Variants in FMN1 observed in about 807,000 individuals in gnomAD.
The protein encoded by FMN1 is formin-1.
Under a neutral mutation model 132.4 loss-of-function variants are expected in FMN1, and 110 were observed. The observed-to-expected ratio is 0.83, with a 90% CI of 0.71 to 0.97. The LOEUF (loss-of-function observed/expected upper bound fraction) is 0.97, where lower values mean the gene tolerates loss of function less well. FMN1 is among the 50% of genes least tolerant of loss of function. FMN1 has a pLI of 0.00. For synonymous variants in FMN1, 722 were observed against 651.7 expected, an observed-to-expected ratio of 1.11 and a Z score of -1.64; for missense variants, 1,792 against 1,705.3, an observed-to-expected ratio of 1.05 and a Z score of -0.90.
chr15:33,076,915 T>G (rs1273194474), intron 5 of FMN1, among the ~76,000 whole-genome samples: 1 of 152,194 alleles, frequency 6.6e-6, no homozygotes, highest in Non-Finnish European at 1.5e-5. Flanking sequence ...TCAGCAATGA[T>G]TCTTTGATCC....
At chr15:33,067,946 T>C in intron 5 of FMN1, 2 of 1,534,164 alleles carry the variant, frequency 1.3e-6, no homozygotes, top group African/African-American at 2.8e-5. Context: ...GCTCTCAGTT[T>C]ATCCACTCCA....
chr15:32,903,910 T>C (rs182350560), intron 12 of FMN1, among the ~76,000 whole-genome samples: 1 of 152,204 alleles, frequency 6.6e-6, no homozygotes, highest in Non-Finnish European at 1.5e-5. Context: ...AGCAGAAGGG[T>C]CTGCAACCCA....
intron 2 of FMN1, among the ~76,000 whole-genome samples, chr15:33,181,884 A>G (rs376006203): frequency 1.9e-4 from 29 of 151,060 alleles, no homozygotes; most frequent in African/African-American, 6.6e-4. Flanking sequence ...AATTTTTTGT[A>G]TTTTTAGTAG....
intron 5 of FMN1, among the ~76,000 whole-genome samples, chr15:33,071,293 T>G (rs137960277): frequency 1.2e-4 from 19 of 152,302 alleles, no homozygotes; most frequent in Non-Finnish European, 2.2e-4. Context: ...AAAATTCCAG[T>G]AAACCTAGCT....
intron 9 of FMN1, among the ~76,000 whole-genome samples, chr15:32,962,307 G>A (rs557776458): frequency 6.9e-4 from 105 of 152,076 alleles, no homozygotes; most frequent in African/African-American, 2.3e-3. Flanking sequence ...AGCTGAAACT[G>A]GATCCCTTCC....
At chr15:32,983,466 C>T (rs1193509801) in intron 7 of FMN1, among the ~76,000 whole-genome samples, 1 of 152,106 alleles carries the variant, frequency 6.6e-6, no homozygotes, top group African/African-American at 2.4e-5. Flanking sequence ...TTGGTGAAAC[C>T]TCAGATGGTA....
At chr15:32,910,071 A>G (rs1441799953) in intron 11 of FMN1, among the ~76,000 whole-genome samples, 2 of 152,184 alleles carry the variant, frequency 1.3e-5, no homozygotes, top group Admixed American at 6.5e-5. Flanking sequence ...CCCACATTCA[A>G]TATCATCAAC....
At chr15:32,995,071 G>A (rs1399224129) in intron 7 of FMN1, among the ~76,000 whole-genome samples, 1 of 152,002 alleles carries the variant, frequency 6.6e-6, no homozygotes, top group Admixed American at 6.6e-5. Flanking sequence ...TAAAGTAATT[G>A]TAAAATACTC....
intron 4 of FMN1, chr15:33,105,907 T>A (rs920206964): frequency 1.3e-5 from 2 of 152,028 alleles, no homozygotes; most frequent in Non-Finnish European, 2.9e-5. Flanking sequence ...CTCCTATTAG[T>A]GAGAAAGGGT....
chr15:33,102,611 G>A (rs1275641276), intron 4 of FMN1, among the ~76,000 whole-genome samples: 1 of 151,842 alleles, frequency 6.6e-6, no homozygotes, highest in Non-Finnish European at 1.5e-5. Context: ...AATGATATTG[G>A]GTATTATGGA....
Position 32,774,315 on chromosome 15 carries a change from T to C in FMN1, c.4255A>G (p.Asn1419Asp), listed in dbSNP as rs752707512. 1.2e-6 allele frequency: 2 copies of C among 1,604,326 alleles called. No individual in the cohort carries two copies. Among genetic ancestry groups the C allele is most frequent in the Non-Finnish European group, 1.7e-6 (2 of 1,174,698 alleles). Reference sequence around the variant, plus strand: ...CATTTCCATGTGTCTTCATCTTAGTTAGTGGTCACACTGGCTTCCTTCTGA... The same window carrying C: ...CATTTCCATGTGTCTTCATCTTAGTCAGTGGTCACACTGGCTTCCTTCTGA... Reference protein sequence around the residue: ...LRQKEASVTTN With the variant: ...LRQKEASVTTD Residue 1419 changes from asparagine to aspartate, a missense_variant, in exon 21 of 21, where the codon AAC (asparagine) becomes GAC (aspartate). Asn to Asp is a conservative substitution (Grantham distance 23). Coordinates refer to ENST00000616417, the MANE Select transcript of FMN1 (RefSeq NM_001277313.2).
intron 16 of FMN1, among the ~76,000 whole-genome samples, chr15:32,857,823 C>T (rs761933941): frequency 1.3e-5 from 2 of 152,176 alleles, no homozygotes; most frequent in Non-Finnish European, 2.9e-5. Context: ...GATTTGTCTA[C>T]AGGGAAGCCA....
intron 12 of FMN1, among the ~76,000 whole-genome samples, chr15:32,904,310 G>C (rs1180754416): frequency 6.6e-6 from 1 of 152,166 alleles, no homozygotes; most frequent in Non-Finnish European, 1.5e-5. Context: ...AGGCTGAATG[G>C]TATCTGTGGG....
intron 13 of FMN1, among the ~76,000 whole-genome samples, chr15:32,900,728 T>G (rs2060274537): frequency 3.3e-5 from 5 of 152,226 alleles, no homozygotes. Flanking sequence ...TCAAGCTGCT[T>G]AGGATTTTCT....
chr15:33,035,406 T>C (rs1207666351), intron 6 of FMN1, among the ~76,000 whole-genome samples: 2 of 152,202 alleles, frequency 1.3e-5, no homozygotes, highest in Non-Finnish European at 2.9e-5. Context: ...TGTCTACGGA[T>C]GCCTTAGAGG....
At chr15:32,811,077 A>G in intron 17 of FMN1, 1 of 456,878 alleles carries the variant, frequency 2.2e-6, no homozygotes, top group Non-Finnish European at 4.4e-6. Context: ...TTACACCAAC[A>G]GAGGCACAGC....
chr15:33,080,268 G>A (rs2038398550), intron 5 of FMN1, among the ~76,000 whole-genome samples: 1 of 152,196 alleles, frequency 6.6e-6, no homozygotes. Flanking sequence ...ATTTACTGAT[G>A]TTGAATCTAA....
intron 9 of FMN1, among the ~76,000 whole-genome samples, chr15:32,947,864 A>G (rs1317029110): frequency 6.6e-6 from 1 of 152,052 alleles, no homozygotes; most frequent in Non-Finnish European, 1.5e-5. Flanking sequence ...CATTTTTTAA[A>G]TTTGTCAATA....
chr15:33,099,491 T>A (rs1415727856), intron 4 of FMN1, among the ~76,000 whole-genome samples: 1 of 151,862 alleles, frequency 6.6e-6, no homozygotes, highest in Non-Finnish European at 1.5e-5. Context: ...TGTGCCAGTA[T>A]AATCTTTTGA....
Sources: gnomAD v4.1 joint callset for allele counts (sites outside exome capture counted in the v4.1 genomes callset) on GRCh38, gnomAD v4.1.1 for gene constraint, MANE v1.5 for transcripts, NCBI Gene and HGNC (gene_info 2026-07-23, HGNC 2026-07-21) for gene names.